Variants in CERS6 observed in about 807,000 individuals in gnomAD.
CERS6 encodes LAG1 homolog, ceramide synthase 6.
CERS6 carries 26 observed loss-of-function variants against 56.8 expected under a neutral mutation model. That is an observed-to-expected ratio of 0.46 (90% confidence interval 0.34 to 0.63). The LOEUF is 0.63. Among genes scored for constraint, CERS6 ranks in the 30% least tolerant of loss-of-function variants. The pLI, the probability that CERS6 is intolerant of heterozygous loss-of-function variation, is 0.01. For missense variants in CERS6, 415 were observed against 467.5 expected, an observed-to-expected ratio of 0.89 and a Z score of 1.04; for synonymous variants, 164 against 173.3, an observed-to-expected ratio of 0.95 and a Z score of 0.42.
intron 4 of CERS6, among the ~76,000 whole-genome samples, chr2:168,638,000 G>T (rs1684901766): frequency 6.6e-6 from 1 of 151,932 alleles, no homozygotes; most frequent in Admixed American, 6.6e-5. Context: ...TTTTAAAGAG[G>T]AGGAAATAAA....
Position 168,770,658 on chromosome 2 carries a change from AG to A in CERS6, c.*997del, listed in dbSNP as rs1318071727. 1.3e-5 allele frequency: 2 copies of A among 152,694 alleles called. No homozygotes were observed. The highest frequency in any genetic ancestry group is 3.8e-4 in the East Asian group (2 of 5,202). 9.5% of individuals were successfully genotyped at this position (152,694 alleles called of 1,614,324 possible). Reference sequence around the variant, plus strand: ...AAGAGTTGATAAAGATTACCTGTGCAGTGCAGAGCACTTTAATGCAACCAGC... The same window carrying A: ...AAGAGTTGATAAAGATTACCTGTGCATGCAGAGCACTTTAATGCAACCAGC... On this transcript the variant is annotated 3_prime_UTR_variant, in exon 10 of 10. Transcript: ENST00000305747.
chr2:168,650,227 T>C (rs1320312000), intron 4 of CERS6, among the ~76,000 whole-genome samples: 1 of 152,092 alleles, frequency 6.6e-6, no homozygotes, highest in East Asian at 1.9e-4. Context: ...ATATCCTGTT[T>C]TTTCTTTTTG....
chr2:168,572,069 C>A (rs1284112688), intron 3 of CERS6, among the ~76,000 whole-genome samples: 1 of 152,238 alleles, frequency 6.6e-6, no homozygotes, highest in East Asian at 1.9e-4. Flanking sequence ...CTTGGTACAC[C>A]ATGACACACA....
intron 1 of CERS6, among the ~76,000 whole-genome samples, chr2:168,542,688 CTTTTTTTTGGGGGGTG>C (rs1695393717): frequency 6.6e-6 from 1 of 151,762 alleles, no homozygotes; most frequent in Non-Finnish European, 1.5e-5. Flanking sequence ...TCATGGTTTT[CTTTTTTTTGGGGGGTG>C]TTATTTTTTT....
At chr2:168,747,277 C>G (rs1684136335) in intron 8 of CERS6, among the ~76,000 whole-genome samples, 1 of 142,498 alleles carries the variant, frequency 7.0e-6, no homozygotes, top group South Asian at 2.3e-4. Context: ...TGGAGTGAGA[C>G]CCTGTCTCAA....
rs527568140 is a variant in CERS6 at position 168,646,316 on chromosome 2, T to G, written c.465+15274T>G. 8.5e-5 allele frequency among the ~76,000 whole-genome samples: 13 copies of G among 152,322 alleles called. No homozygotes were observed. The South Asian group carries it at 2.7e-3, about 32-fold the overall frequency. ...GCAATATTGAGCTTTTTTTTTCATA[T>G]GCTTGTTGGCCACATGTGTGTCTTC... On this transcript the variant is annotated intron_variant, in intron 4 of 9. Transcript: ENST00000305747.
chr2:168,711,180 G>C (rs1273264438), intron 6 of CERS6, among the ~76,000 whole-genome samples: 2 of 152,180 alleles, frequency 1.3e-5, no homozygotes, highest in African/African-American at 4.8e-5. Context: ...CTCTGGACAT[G>C]TTCACTAAGC....
intron 4 of CERS6, among the ~76,000 whole-genome samples, chr2:168,673,878 C>A (rs1348205433): frequency 2.0e-5 from 3 of 152,208 alleles, no homozygotes; most frequent in Non-Finnish European, 4.4e-5. Flanking sequence ...CAAATAATAA[C>A]AGCACAACAA....
At chr2:168,458,217 TTG>T (rs1305820786) in intron 1 of CERS6, among the ~76,000 whole-genome samples, 2 of 152,198 alleles carry the variant, frequency 1.3e-5, no homozygotes, top group African/African-American at 2.4e-5. Flanking sequence ...TTATGATAAA[TTG>T]TGTCTGATAA....
intron 3 of CERS6, among the ~76,000 whole-genome samples, chr2:168,608,526 A>G (rs1684108541): frequency 6.6e-6 from 1 of 152,228 alleles, no homozygotes; most frequent in Non-Finnish European, 1.5e-5. Context: ...TTCCAGTTTC[A>G]CTGCATCCTC....
chr2:168,557,446 T>C (rs1269588511), intron 2 of CERS6, among the ~76,000 whole-genome samples: 1 of 152,212 alleles, frequency 6.6e-6, no homozygotes, highest in African/African-American at 2.4e-5. Context: ...ATTCTGAAAT[T>C]CATTTAGAAA....
intron 8 of CERS6, among the ~76,000 whole-genome samples, chr2:168,745,968 T>C (rs1684086318): frequency 6.6e-6 from 1 of 152,152 alleles, no homozygotes; most frequent in Non-Finnish European, 1.5e-5. Flanking sequence ...AAAAATGAAC[T>C]GGATATGGTG....
chr2:168,489,982 T>C (rs887506405), intron 1 of CERS6, among the ~76,000 whole-genome samples: 9 of 152,192 alleles, frequency 5.9e-5, no homozygotes, highest in African/African-American at 2.2e-4. Flanking sequence ...TTAAAATTTC[T>C]TTTAGCAGGC....
intron 1 of CERS6, among the ~76,000 whole-genome samples, chr2:168,512,770 C>T (rs976487021): frequency 6.6e-6 from 1 of 150,902 alleles, no homozygotes; most frequent in Admixed American, 6.6e-5. Context: ...CAGGTTCAAG[C>T]GATTCTCCTG....
intron 3 of CERS6, among the ~76,000 whole-genome samples, chr2:168,564,438 G>A (rs1695848333): frequency 6.6e-6 from 1 of 151,830 alleles, no homozygotes; most frequent in African/African-American, 2.4e-5. Flanking sequence ...CATTTTGTTT[G>A]CTACCAAAAA....
chr2:168,622,129 C>T (rs1205284828), intron 3 of CERS6, among the ~76,000 whole-genome samples: 1 of 152,128 alleles, frequency 6.6e-6, no homozygotes, highest in African/African-American at 2.4e-5. Context: ...GGAAATATTA[C>T]AGAATCAGCT....
chr2:168,713,032 T>G (rs1687133477), intron 6 of CERS6, among the ~76,000 whole-genome samples: 1 of 152,094 alleles, frequency 6.6e-6, no homozygotes, highest in Non-Finnish European at 1.5e-5. Context: ...CTTATATTTT[T>G]TGTCTGTTCT....
intron 8 of CERS6, among the ~76,000 whole-genome samples, chr2:168,753,376 A>C (rs1247351802): frequency 6.6e-6 from 1 of 152,252 alleles, no homozygotes; most frequent in Non-Finnish European, 1.5e-5. Context: ...ATCAGTTATT[A>C]TTCAGTGCAT....
At chr2:168,543,095 C>T (rs1695402873) in intron 1 of CERS6, among the ~76,000 whole-genome samples, 1 of 152,192 alleles carries the variant, frequency 6.6e-6, no homozygotes, top group African/African-American at 2.4e-5. Context: ...AATACAAATA[C>T]GTGTTGCCAA....
Sources: gnomAD v4.1 joint callset for allele counts (sites outside exome capture counted in the v4.1 genomes callset) on GRCh38, gnomAD v4.1.1 for gene constraint, MANE v1.5 for transcripts, NCBI Gene and HGNC (gene_info 2026-07-23, HGNC 2026-07-21) for gene names.